The following COX10 variants were observed in gnomAD, a reference collection of about 807,000 sequenced individuals.
The protein encoded by COX10 is cytochrome c oxidase assembly factor heme A:farnesyltransferase COX10.
A neutral mutation model predicts 37.3 loss-of-function variants in COX10; 27 were observed. The ratio of observed to expected loss-of-function variants is 0.72; its 90% confidence interval spans 0.53 to 1.00. The LOEUF is 1.00. Ranked by LOEUF, COX10 falls within the 50% of genes least tolerant of loss-of-function variation. COX10 has a pLI of 0.00. For missense variants in COX10, 475 were observed against 563.2 expected (o/e 0.84, Z 1.59); for synonymous variants, 222 against 229.1 (o/e 0.97, Z 0.28).
At chr17:14,105,440 A>G (rs1265524906) in intron 4 of COX10, among the ~76,000 whole-genome samples, 2 of 152,224 alleles carry the variant, frequency 1.3e-5, no homozygotes, top group African/African-American at 4.8e-5. Context: ...TAACTTCAGA[A>G]TAAATGATCT....
At chr17:14,146,809 T>A (rs539350349) in intron 4 of COX10, among the ~76,000 whole-genome samples, 6 of 152,154 alleles carry the variant, frequency 3.9e-5, no homozygotes, top group Non-Finnish European at 7.4e-5. Context: ...AACAATCTAA[T>A]AATCTGATTT....
chr17:14,196,752 T>A (rs1456651191), intron 6 of COX10, among the ~76,000 whole-genome samples: 1 of 152,084 alleles, frequency 6.6e-6, no homozygotes, highest in African/African-American at 2.4e-5. Flanking sequence ...CTTCCTTCTC[T>A]CTCCACTAGG....
intron 4 of COX10, among the ~76,000 whole-genome samples, chr17:14,122,248 C>CT (rs1294933537): frequency 1.3e-5 from 2 of 152,238 alleles, no homozygotes; most frequent in African/African-American, 4.8e-5. Flanking sequence ...TCAGCTATAA[C>CT]TTTATCAGTA....
At chr17:14,134,773 G>A (rs1167466097) in intron 4 of COX10, among the ~76,000 whole-genome samples, 1 of 150,514 alleles carries the variant, frequency 6.6e-6, no homozygotes, top group Non-Finnish European at 1.5e-5. Flanking sequence ...AATTGCCCTC[G>A]GTGTTTTTTT....
chr17:14,152,603 T>C (rs1200223210), intron 4 of COX10, among the ~76,000 whole-genome samples: 2 of 152,158 alleles, frequency 1.3e-5, no homozygotes, highest in Admixed American at 6.5e-5. Context: ...TGCCCCAGTA[T>C]CTAATTCTGG....
chr17:14,163,461 G>A (rs1905213771), intron 5 of COX10, among the ~76,000 whole-genome samples: 1 of 151,980 alleles, frequency 6.6e-6, no homozygotes, highest in Admixed American at 6.6e-5. Context: ...TCACCGTGTT[G>A]GCCAGGCTGG....
chr17:14,170,936 A>T (rs2142247812), intron 5 of COX10, among the ~76,000 whole-genome samples: 2 of 152,332 alleles, frequency 1.3e-5, no homozygotes, highest in South Asian at 4.1e-4. Flanking sequence ...AACTGTAGAG[A>T]AATATAGAGT....
intron 6 of COX10, among the ~76,000 whole-genome samples, chr17:14,206,509 TGCAGCGCAGGCAGCCCCCCTGTGAA>T (rs1362731299): frequency 1.3e-5 from 2 of 152,114 alleles, no homozygotes; most frequent in Non-Finnish European, 2.9e-5. Context: ...GTAAGCGTCC[TGCAGCGCAGGCAGCCCCCCTGTGAA>T]GCAGGGTCTG....
intron 5 of COX10, among the ~76,000 whole-genome samples, chr17:14,181,756 G>T (rs1905866712): frequency 6.6e-6 from 1 of 152,164 alleles, no homozygotes; most frequent in Admixed American, 6.5e-5. Flanking sequence ...TCAGTAGTTG[G>T]TCCCTGCCCT....
At chr17:14,116,773 C>T (rs1916123351) in intron 4 of COX10, among the ~76,000 whole-genome samples, 1 of 152,186 alleles carries the variant, frequency 6.6e-6, no homozygotes, top group African/African-American at 2.4e-5. Context: ...TCATCTCTTG[C>T]CAGGGTTGTA....
In COX10 at chr17:14,192,178, G is replaced by C. The variant is rs553764464; in HGVS notation, c.885G>C (p.Pro295=). ...TWVGAVVGAI[P]PVMGWTAATG... ...TCGGAGCTGTGGTTGGGGCCATCCC[G>C]CCTGTCATGGGCTGGACAGCGGCCA... The change falls in exon 6 of 7, where the codon CCG becomes CCC. Residue 295 remains proline, a synonymous_variant. Coordinates refer to ENST00000261643, the MANE Select transcript of COX10 (RefSeq NM_001303.4). 3.1e-6 allele frequency: 5 copies of C among 1,614,224 alleles called. No homozygotes were observed. Among genetic ancestry groups the C allele is most frequent in the Non-Finnish European group, 3.4e-6 (4 of 1,180,016 alleles).
At chr17:14,151,694 TA>T (rs1237942492) in intron 4 of COX10, among the ~76,000 whole-genome samples, 1 of 152,166 alleles carries the variant, frequency 6.6e-6, no homozygotes, top group Admixed American at 6.5e-5. Context: ...GAAATTCAAT[TA>T]AAGTACATAT....
intron 3 of COX10, among the ~76,000 whole-genome samples, chr17:14,094,593 A>G (rs925661057): frequency 9.2e-5 from 14 of 152,202 alleles, no homozygotes; most frequent in African/African-American, 3.1e-4. Context: ...TACATTTATT[A>G]AAGGGTTGCT....
At position 14,166,791 on chromosome 17, in the gene COX10, T is replaced by C. The variant is rs1158445672; in HGVS notation, c.695+6844T>C. ...CACGCCTGGCTATTTCTTTCTTTTTTTTTTTTTTTTTTTTTTGTATTTTTA... is the reference window on the plus strand; with the variant it reads ...CACGCCTGGCTATTTCTTTCTTTTTCTTTTTTTTTTTTTTTTGTATTTTTA... On this transcript the variant is annotated intron_variant, in intron 5 of 6. Transcript: ENST00000261643. Among the ~76,000 whole-genome samples the C allele has an allele frequency of 8.3e-5, 12 of 144,744 alleles. No individual in the cohort carries two copies. In the South Asian group the frequency reaches 1.6e-3, roughly 19 times the overall value. 95.0% of individuals were successfully genotyped at this position (144,744 alleles called of 152,430 possible).
intron 5 of COX10, among the ~76,000 whole-genome samples, chr17:14,169,563 A>T (rs1344271194): frequency 6.6e-6 from 1 of 152,202 alleles, no homozygotes; most frequent in Non-Finnish European, 1.5e-5. Flanking sequence ...TAAAGAAAAG[A>T]CGTTTAATTG....
chr17:14,125,088 T>A (rs1916306376), intron 4 of COX10, among the ~76,000 whole-genome samples: 2 of 152,204 alleles, frequency 1.3e-5, no homozygotes, highest in South Asian at 4.1e-4. Flanking sequence ...AAATGTGAAC[T>A]TCATCTTTAA....
rs1212773476 is a variant in COX10, at chr17:14,206,903, G to T, written c.1022G>T (p.Gly341Val). 2 of 1,613,918 alleles carry T rather than the reference G, an allele frequency of 1.2e-6. No individual in the cohort carries two copies. The highest frequency in any genetic ancestry group is 4.5e-5 in the East Asian group (2 of 44,858). The change falls in exon 7 of 7, where the codon GGC (glycine) becomes GTC (valine). Residue 341 changes from glycine to valine, a missense_variant. Physicochemically the swap from Gly to Val is moderately radical, Grantham distance 109. This residue lies in a region of COX10 where 160 missense variants were observed against 180.6 expected (regional missense o/e 0.89). Transcript: ENST00000261643. ...CTCCGTGAAGACTACTCCCGGGGCG[G>T]CTACTGCATGATGTCGGTCACCCAC... ...WGLREDYSRGGYCMMSVTHPG... is the reference protein window; with the variant it reads ...WGLREDYSRGVYCMMSVTHPG...
intron 4 of COX10, among the ~76,000 whole-genome samples, chr17:14,121,048 C>A (rs1567595766): frequency 6.6e-6 from 1 of 152,176 alleles, no homozygotes; most frequent in Non-Finnish European, 1.5e-5. Flanking sequence ...CTGCCTGTGA[C>A]TAATTGGCTT....
At chr17:14,205,061 T>C (rs917307) in intron 6 of COX10, among the ~76,000 whole-genome samples, 108,590 of 151,992 alleles carry the variant, frequency 0.71, 39,525 homozygotes, top group Non-Finnish European at 0.79. Flanking sequence ...GAGCTGAGAC[T>C]GTGCCACTGC....
Sources: allele counts gnomAD v4.1 joint callset (sites outside exome capture counted in the v4.1 genomes callset), GRCh38; gene constraint gnomAD v4.1.1; regional missense constraint gnomAD v4.1.1; transcripts MANE v1.5; gene names NCBI Gene and HGNC (gene_info 2026-07-23, HGNC 2026-07-21).